The following NPTN variants were observed in gnomAD, a reference collection of about 807,000 sequenced individuals.
NPTN encodes SDR-1.
In NPTN, 5 loss-of-function variants were observed where a neutral mutation model predicts 42.7. The ratio of observed to expected loss-of-function variants is 0.12; its 90% CI spans 0.06 to 0.25. The LOEUF is 0.25. Among genes scored for constraint, NPTN ranks in the 10% least tolerant of loss-of-function variants. The pLI, the probability that NPTN is intolerant of heterozygous loss-of-function variation, is 1.00. For missense variants in NPTN, 307 were observed against 525.4 expected (o/e 0.58, Z 4.06); for synonymous variants, 180 against 201.9 (o/e 0.89, Z 0.92).
Position 73,597,338 on chromosome 15 carries a change from A to T in NPTN, c.123T>A (p.Thr41=). 1 of 1,613,290 alleles carries T rather than the reference A, an allele frequency of 6.2e-7. No homozygotes were observed. The highest frequency in any genetic ancestry group is 8.5e-7 in the Non-Finnish European group (1 of 1,179,534). ...GCTCAAAGGCGTCCCCCGTGAGCTT[A>T]GTTTCTGACATGGGCGACTTGACAA... is the stretch of plus-strand genomic sequence containing the variant. The part of the protein sequence containing the change: ...AGFVKSPMSE[T]KLTGDAFELY... The change falls in exon 2 of 9, where the codon ACT becomes ACA. Residue 41 remains threonine, a synonymous_variant. Coordinates refer to ENST00000345330, the MANE Select transcript of NPTN (RefSeq NM_012428.4). This position sits in a 1 kb window ranked among gnomAD's most constrained non-coding sequence, Gnocchi z 6.3.
chr15:73,633,063 G>A, intron 1 of NPTN, 62 bp downstream of exon 1: 1 of 1,201,114 alleles, frequency 8.3e-7, no homozygotes, highest in Non-Finnish European at 1.1e-6. Flanking sequence ...GCCAGAGCCG[G>A]GCCCCCTCCG....
chr15:73,567,995 C>G (rs1456844776), intron 6 of NPTN: 1 of 985,302 alleles, frequency 1.0e-6, no homozygotes, highest in African/African-American at 1.7e-5. Context: ...TCTATAATAA[C>G]TTAGTTTAAA....
chr15:73,605,111 G>GAA (rs386785324), intron 1 of NPTN, among the ~76,000 whole-genome samples: 1,782 of 140,552 alleles, frequency 0.013, 102 homozygotes, highest in African/African-American at 0.047. Context: ...GGGGGGGGGG[G>GAA]AAAAGAATGA....
At position 73,623,796 on chromosome 15, in the gene NPTN, T is replaced by C. The variant is rs114340967; in HGVS notation, c.91+9329A>G. On this transcript the variant is annotated intron_variant, in intron 1 of 8. Coordinates refer to ENST00000345330, the MANE Select transcript of NPTN (RefSeq NM_012428.4). ...GAGCTTCTAAACAAGCACAGTACTATGTAAGAAAGAGATCATTTCTGTTTT... is the reference window on the plus strand; with the variant it reads ...GAGCTTCTAAACAAGCACAGTACTACGTAAGAAAGAGATCATTTCTGTTTT... Among the ~76,000 whole-genome samples the C allele has an allele frequency of 4.6e-3, 697 of 152,352 alleles. 7 individuals carry two copies. The highest frequency in any genetic ancestry group is 0.016 in the African/African-American group (667 of 41,568).
chr15:73,624,319 G>C (rs1898289297), intron 1 of NPTN, among the ~76,000 whole-genome samples: 1 of 152,076 alleles, frequency 6.6e-6, no homozygotes, highest in East Asian at 1.9e-4. Flanking sequence ...TTTTTTCCAG[G>C]TAGCAGTTTC....
chr15:73,625,342 C>T (rs1452480878), intron 1 of NPTN, among the ~76,000 whole-genome samples: 1 of 152,072 alleles, frequency 6.6e-6, no homozygotes, highest in African/African-American at 2.4e-5. Context: ...AGTTTGAAAG[C>T]CTTTTTCTAA....
At chr15:73,568,879 A>G in intron 6 of NPTN, 1 of 985,568 alleles carries the variant, frequency 1.0e-6, no homozygotes, top group Non-Finnish European at 1.2e-6. Flanking sequence ...TGCTGAGAAG[A>G]AAGGAAAAGA....
At chr15:73,576,792 A>G (rs1895725540) in intron 4 of NPTN, among the ~76,000 whole-genome samples, 1 of 152,222 alleles carries the variant, frequency 6.6e-6, no homozygotes, top group South Asian at 2.1e-4. Context: ...GTTCTGTCAA[A>G]GCCAATTTAA....
intron 1 of NPTN, among the ~76,000 whole-genome samples, chr15:73,623,955 G>A (rs942035448): frequency 1.3e-5 from 2 of 152,040 alleles, no homozygotes; most frequent in Non-Finnish European, 2.9e-5. Flanking sequence ...TGTGCTCTAG[G>A]CCATTGCTCT....
At chr15:73,592,212 G>T in intron 2 of NPTN, 75 bp from the exon 3 acceptor site, 1 of 1,279,448 alleles carries the variant, frequency 7.8e-7, no homozygotes, top group Non-Finnish European at 1.1e-6. Flanking sequence ...AGTTGGACGG[G>T]GTAGGAGGGG....
At chr15:73,565,912 A>C (rs1394087220) in intron 6 of NPTN, 1 of 401,722 alleles carries the variant, frequency 2.5e-6, no homozygotes, top group African/African-American at 2.0e-5. Context: ...ATTGCCTAAT[A>C]CAATATCACC....
At chr15:73,565,063 C>T (rs569453853) in intron 6 of NPTN, among the ~76,000 whole-genome samples, 31 of 152,306 alleles carry the variant, frequency 2.0e-4, no homozygotes, top group African/African-American at 7.5e-4. Flanking sequence ...TGTCACTTTC[C>T]AGCCCAACAA....
At chr15:73,608,359 C>T (rs1197934832) in intron 1 of NPTN, among the ~76,000 whole-genome samples, 3 of 152,250 alleles carry the variant, frequency 2.0e-5, no homozygotes, top group East Asian at 1.9e-4. Context: ...GTTGGACTAA[C>T]GTATACCTAG....
At chr15:73,627,279 T>C (rs1898469474) in intron 1 of NPTN, among the ~76,000 whole-genome samples, 1 of 152,140 alleles carries the variant, frequency 6.6e-6, no homozygotes, top group South Asian at 2.1e-4. Flanking sequence ...ATAAAGTATA[T>C]CATAAAGCTC....
In NPTN at chr15:73,562,380, T is replaced by G. The variant is rs1894728815; in HGVS notation, c.1137-410A>C. Among the ~76,000 whole-genome samples the G allele has an allele frequency of 3.3e-5, 5 of 152,340 alleles. No individual in the cohort carries two copies. In the South Asian group the frequency reaches 1.0e-3, roughly 32 times the overall value. ...TAGGTAGACTCAACCTGTATATACC[T>G]CATTTTATCCTCCTTTTGACCCCCA... is the stretch of plus-strand genomic sequence containing the variant. On this transcript the variant is annotated intron_variant, in intron 7 of 8. Coordinates refer to ENST00000345330, the MANE Select transcript of NPTN (RefSeq NM_012428.4).
chr15:73,608,852 G>A (rs768572877), intron 1 of NPTN, among the ~76,000 whole-genome samples: 16 of 152,202 alleles, frequency 1.1e-4, no homozygotes, highest in Non-Finnish European at 8.8e-5. Flanking sequence ...ACGTGGGGTG[G>A]GCAGTGATAC....
chr15:73,573,801 A>G lies in NPTN; in HGVS notation c.707-6T>C, dbSNP rs1595902951. ...GCCAGTGATGTCAGGAGCGGCTGTGAGAAAGCGTTAGACGCAGTTACCACG... is the reference window on the plus strand; with the variant it reads ...GCCAGTGATGTCAGGAGCGGCTGTGGGAAAGCGTTAGACGCAGTTACCACG... On this transcript the variant is annotated splice_polypyrimidine_tract_variant and splice_region_variant and intron_variant, in intron 4 of 8. Coordinates refer to ENST00000345330, the MANE Select transcript of NPTN (RefSeq NM_012428.4). 1 of 1,604,126 alleles carries G rather than the reference A, an allele frequency of 6.2e-7. No individual in the cohort carries two copies. The highest frequency in any genetic ancestry group is 8.5e-7 in the Non-Finnish European group (1 of 1,175,762).
intron 6 of NPTN, chr15:73,567,587 G>A (rs533483497): frequency 1.0e-6 from 1 of 985,398 alleles, no homozygotes; most frequent in Non-Finnish European, 1.2e-6. Flanking sequence ...GAAGGAAAAG[G>A]CAGAGAAGAA....
chr15:73,619,689 T>G (rs970439393), intron 1 of NPTN, among the ~76,000 whole-genome samples: 1 of 152,218 alleles, frequency 6.6e-6, no homozygotes, highest in African/African-American at 2.4e-5. Context: ...AAATAAGTTG[T>G]GTGTTAACCA....
Sources: gnomAD v4.1 joint callset for allele counts (sites outside exome capture counted in the v4.1 genomes callset) on GRCh38, gnomAD v4.1.1 for gene constraint, Gnocchi (gnomAD v3.1) non-coding constraint, MANE v1.5 for transcripts, NCBI Gene and HGNC (gene_info 2026-07-23, HGNC 2026-07-21) for gene names.